The following CACNA2D3 variants were observed in gnomAD, a reference collection of about 807,000 sequenced individuals.
CACNA2D3 encodes the protein voltage-dependent calcium channel subunit alpha-2/delta-3.
A neutral mutation model predicts 160.6 loss-of-function variants in CACNA2D3; 60 were observed. The observed-to-expected ratio is 0.37, with a 90% CI of 0.30 to 0.46. CACNA2D3 has a LOEUF of 0.46. Ranked by LOEUF, CACNA2D3 falls within the 20% of genes least tolerant of loss-of-function variation. The probability of loss-of-function intolerance (pLI) is 1.00; values close to 1 mark genes in which losing one functional copy is unlikely to be tolerated. For missense variants in CACNA2D3, 1,205 were observed against 1,365.0 expected (o/e 0.88, Z 1.85); for synonymous variants, 558 against 492.9 (o/e 1.13, Z -1.75).
chr3:54,196,906 T>C (rs1701091434), intron 2 of CACNA2D3, among the ~76,000 whole-genome samples: 1 of 152,178 alleles, frequency 6.6e-6, no homozygotes, highest in Admixed American at 6.5e-5. Context: ...CCAGACATGA[T>C]TATGGTAAAT....
At chr3:54,962,603 G>T (rs1044318750) in intron 27 of CACNA2D3, among the ~76,000 whole-genome samples, 1 of 152,174 alleles carries the variant, frequency 6.6e-6, no homozygotes, top group Admixed American at 6.5e-5. Context: ...TCTATTGGTG[G>T]AGACAGAGAG....
chr3:55,029,324 G>T (rs1002553408), intron 35 of CACNA2D3, among the ~76,000 whole-genome samples: 1 of 152,006 alleles, frequency 6.6e-6, no homozygotes, highest in Non-Finnish European at 1.5e-5. Flanking sequence ...TCTCCAAGAG[G>T]GCTATAAGCA....
chr3:54,961,885 G>A (rs1702036611), intron 27 of CACNA2D3, among the ~76,000 whole-genome samples: 2 of 152,108 alleles, frequency 1.3e-5, no homozygotes, highest in African/African-American at 4.8e-5. Flanking sequence ...CTTCTCAGAG[G>A]CTGAGAAGTC....
intron 3 of CACNA2D3, among the ~76,000 whole-genome samples, chr3:54,373,819 G>A (rs1246562764): frequency 6.6e-6 from 1 of 152,160 alleles, no homozygotes; most frequent in Non-Finnish European, 1.5e-5. Flanking sequence ...ATTGCTATGA[G>A]CATGTTTTCA....
At chr3:54,252,831 G>A (rs999567797) in intron 2 of CACNA2D3, among the ~76,000 whole-genome samples, 2 of 152,144 alleles carry the variant, frequency 1.3e-5, no homozygotes, top group Non-Finnish European at 2.9e-5. Context: ...GTTGAGGCCG[G>A]GAAGTAGAGA....
chr3:54,494,871 T>A (rs933058854), intron 4 of CACNA2D3, among the ~76,000 whole-genome samples: 13 of 152,194 alleles, frequency 8.5e-5, no homozygotes, highest in African/African-American at 3.1e-4. Flanking sequence ...GGCATACTTA[T>A]CAAACATCCA....
chr3:54,709,997 C>G (rs1270993115), intron 11 of CACNA2D3, among the ~76,000 whole-genome samples: 1 of 152,174 alleles, frequency 6.6e-6, no homozygotes, highest in Non-Finnish European at 1.5e-5. Flanking sequence ...CAACAAAAGT[C>G]TTTTGTTTTC....
intron 5 of CACNA2D3, among the ~76,000 whole-genome samples, chr3:54,528,558 A>G (rs892643645): frequency 1.3e-5 from 2 of 152,150 alleles, no homozygotes; most frequent in Non-Finnish European, 2.9e-5. Flanking sequence ...TTCCTTTATG[A>G]TTGAAACACG....
intron 16 of CACNA2D3, among the ~76,000 whole-genome samples, chr3:54,842,209 C>A (rs1462901558): frequency 6.6e-6 from 1 of 152,192 alleles, no homozygotes; most frequent in South Asian, 2.1e-4. Context: ...ACAAAACATT[C>A]TGATGTTATT....
chr3:54,665,421 G>A (rs1284837433), intron 11 of CACNA2D3, among the ~76,000 whole-genome samples: 1 of 152,172 alleles, frequency 6.6e-6, no homozygotes, highest in Non-Finnish European at 1.5e-5. Context: ...TCCAGGGTTC[G>A]CCTTCTTGCT....
chr3:54,756,300 A>G (rs1442600153), intron 12 of CACNA2D3, among the ~76,000 whole-genome samples: 2 of 151,984 alleles, frequency 1.3e-5, no homozygotes, highest in African/African-American at 2.4e-5. Context: ...ACTGTTTGCC[A>G]CTCTTCAAAG....
intron 3 of CACNA2D3, among the ~76,000 whole-genome samples, chr3:54,323,670 G>C (rs991636718): frequency 6.6e-6 from 1 of 152,102 alleles, no homozygotes; most frequent in African/African-American, 2.4e-5. Flanking sequence ...GTTTCACTGT[G>C]TTAGCCAGGA....
chr3:54,841,137 T>G (rs1698810609), intron 16 of CACNA2D3, among the ~76,000 whole-genome samples: 1 of 152,208 alleles, frequency 6.6e-6, no homozygotes, highest in African/African-American at 2.4e-5. Flanking sequence ...CACTAAAACA[T>G]TTATTGAACT....
At chr3:54,446,567 C>A (rs555935814) in intron 4 of CACNA2D3, among the ~76,000 whole-genome samples, 24 of 152,094 alleles carry the variant, frequency 1.6e-4, no homozygotes, top group Non-Finnish European at 3.2e-4. Context: ...TGGGTATTCA[C>A]CTTTTATCAT....
chr3:54,698,595 G>A (rs770481632), intron 11 of CACNA2D3, among the ~76,000 whole-genome samples: 5 of 152,148 alleles, frequency 3.3e-5, no homozygotes, highest in African/African-American at 7.2e-5. Context: ...AAGGGCAAGC[G>A]AGGGATTAAA....
chr3:54,935,997 G>A (rs781705682), intron 27 of CACNA2D3, among the ~76,000 whole-genome samples: 10 of 152,142 alleles, frequency 6.6e-5, no homozygotes, highest in Non-Finnish European at 1.3e-4. Context: ...GGAATCTGGA[G>A]TGAAACCATC....
chr3:54,511,049 T>G (rs566590366), intron 5 of CACNA2D3, among the ~76,000 whole-genome samples: 28 of 152,268 alleles, frequency 1.8e-4, no homozygotes, highest in African/African-American at 6.5e-4. Context: ...CTCTTCCTGG[T>G]CATGCTAGAT....
chr3:55,037,067 A>G (rs1380693977), intron 35 of CACNA2D3, among the ~76,000 whole-genome samples: 1 of 152,170 alleles, frequency 6.6e-6, no homozygotes, highest in Non-Finnish European at 1.5e-5. Flanking sequence ...CTCCTCGTGT[A>G]TAACACAATA....
intron 5 of CACNA2D3, among the ~76,000 whole-genome samples, chr3:54,515,114 G>A (rs991017126): frequency 1.3e-5 from 2 of 151,346 alleles, no homozygotes; most frequent in Non-Finnish European, 2.9e-5. Context: ...GGTCCCAAAG[G>A]TGCCCAGCAA....
Sources: allele counts gnomAD v4.1 joint callset (sites outside exome capture counted in the v4.1 genomes callset), GRCh38; gene constraint gnomAD v4.1.1; transcripts MANE v1.5; gene names NCBI Gene and HGNC (gene_info 2026-07-23, HGNC 2026-07-21).